NLRP14: variants seen among roughly 807,000 people sequenced by gnomAD.
NLRP14 encodes the protein NACHT, LRR and PYD domains-containing protein 14.
A neutral mutation model predicts 94.7 loss-of-function variants in NLRP14; 105 were observed. The ratio of observed to expected loss-of-function variants is 1.11; its 90% CI spans 0.95 to 1.30. The LOEUF is 1.30. NLRP14 is among the 50% of genes most tolerant of loss of function. NLRP14 has a pLI of 0.00. For synonymous variants in NLRP14, 508 were observed against 459.9 expected, an observed-to-expected ratio of 1.10 and a Z score of -1.34; for missense variants, 1,362 against 1,254.1, an observed-to-expected ratio of 1.09 and a Z score of -1.30.
chr11:7,089,011 A>T, the NLRP14 span: 2 of 1,303,748 alleles, frequency 1.5e-6, no homozygotes, highest in Admixed American at 2.0e-5. Flanking sequence ...CTCGGCGACT[A>T]GGCGCCGCCT....
chr11:7,073,814 C>T (rs1852836075), downstream of NLRP14, among the ~76,000 whole-genome samples: 1 of 152,190 alleles, frequency 6.6e-6, no homozygotes, highest in South Asian at 2.1e-4. Context: ...CTTGTGCTAC[C>T]TTCTAAGCAC....
chr11:7,038,171 A>T (rs1157132316), intron 1 of NLRP14, among the ~76,000 whole-genome samples: 6 of 152,178 alleles, frequency 3.9e-5, no homozygotes, highest in Admixed American at 3.9e-4. Context: ...AGCAATACTT[A>T]GGAGGAGCCA....
intron 6 of NLRP14, among the ~76,000 whole-genome samples, chr11:7,052,657 C>G (rs1265499195): frequency 6.6e-6 from 1 of 152,012 alleles, no homozygotes; most frequent in African/African-American, 2.4e-5. Context: ...ACAAAGCTGG[C>G]TAAGAGGAAC....
downstream of NLRP14, among the ~76,000 whole-genome samples, chr11:7,074,516 C>G (rs1181258176): frequency 6.6e-6 from 1 of 152,204 alleles, no homozygotes; most frequent in Non-Finnish European, 1.5e-5. Flanking sequence ...AGGAAAACTC[C>G]AACAAAGGTA....
chr11:7,060,078 T>C lies in NLRP14; in HGVS notation c.2804+14T>C, dbSNP rs757991230. The C allele has an allele frequency of 6.8e-6, 11 of 1,610,324 alleles. No individual in the cohort carries two copies. The highest frequency in any genetic ancestry group is 9.3e-6 in the Non-Finnish European group (11 of 1,176,856). On this transcript the variant is annotated intron_variant, in intron 9 of 11. Coordinates refer to ENST00000299481, the MANE Select transcript of NLRP14 (RefSeq NM_176822.4). ...TCAGGACTTGGAGTAGGTTTTCTGT[T>C]GCTTTACTTTTGTGTAGTTTCAACA...
chr11:7,042,071 C>CT (rs1852261376), intron 3 of NLRP14, among the ~76,000 whole-genome samples: 2 of 149,988 alleles, frequency 1.3e-5, no homozygotes, highest in Admixed American at 6.6e-5. Context: ...CATCTATTAT[C>CT]TTTTTTCTAT....
rs1191657327 is a variant in NLRP14, at chr11:7,038,720, C to T, written c.134C>T (p.Thr45Ile). Residue 45 changes from threonine (T) to isoleucine (I), a missense_variant, in exon 2 of 12, where the codon ACA becomes ATA. Thr to Ile is a moderately conservative substitution (Grantham distance 89). Transcript: ENST00000299481. ...ACCATGGAACCTGAGCATGGCCTGA[C>T]ACCCTGGAATGAAGTGAAGAAGGCC... The part of the protein sequence containing the change: ...KETMEPEHGL[T>I]PWNEVKKARR... The T allele has an allele frequency of 2.5e-6, 4 of 1,613,974 alleles. No individual in the cohort carries two copies. Among genetic ancestry groups the T allele is most frequent in the Non-Finnish European group, 3.4e-6 (4 of 1,179,972 alleles).
intron 1 of NLRP14, among the ~76,000 whole-genome samples, chr11:7,035,649 G>A (rs1241890406): frequency 6.6e-6 from 1 of 152,134 alleles, no homozygotes; most frequent in African/African-American, 2.4e-5. Flanking sequence ...TGAAAAGGGT[G>A]GAAACACCTG....
At chr11:7,089,167 A>G in the NLRP14 span, 2 of 1,614,006 alleles carry the variant, frequency 1.2e-6, no homozygotes, top group African/African-American at 1.3e-5. Context: ...GGGGGCCTCA[A>G]CCTCGAAACC....
chr11:7,045,120 T>C (rs1852329273), intron 4 of NLRP14, among the ~76,000 whole-genome samples: 6 of 152,206 alleles, frequency 3.9e-5, no homozygotes, highest in African/African-American at 1.4e-4. Flanking sequence ...GCAGAATCAC[T>C]CCTTTCTTAT....
intron 1 of NLRP14, among the ~76,000 whole-genome samples, chr11:7,031,640 A>C (rs1333182143): frequency 6.6e-6 from 1 of 152,164 alleles, no homozygotes; most frequent in Non-Finnish European, 1.5e-5. Context: ...AGCCTTGACG[A>C]ATGGAGGCAA....
At chr11:7,079,996 T>A in the NLRP14 span, among the ~76,000 whole-genome samples, 1 of 152,004 alleles carries the variant, frequency 6.6e-6, no homozygotes, top group African/African-American at 2.4e-5. Flanking sequence ...ATGTGGGCTG[T>A]ATAGATAAGG....
the NLRP14 span, among the ~76,000 whole-genome samples, chr11:7,084,219 G>A: frequency 6.6e-6 from 1 of 152,206 alleles, no homozygotes; most frequent in African/African-American, 2.4e-5. Flanking sequence ...ATATTCCAAA[G>A]TCAGTCCTGG....
rs184699458 is a variant in NLRP14 at position 7,057,490 on chromosome 11, C to T, written c.2292-187C>T. ...GGGAATGTGATAAACAATCTCCTTCCCTTCCCTCCTTAACTCTGTCAGAGC... is the reference window on the plus strand; with the variant it reads ...GGGAATGTGATAAACAATCTCCTTCTCTTCCCTCCTTAACTCTGTCAGAGC... On this transcript the variant is annotated intron_variant, in intron 6 of 11. Coordinates refer to ENST00000299481, the MANE Select transcript of NLRP14 (RefSeq NM_176822.4). Among the ~76,000 whole-genome samples the T allele has an allele frequency of 2.6e-5, 4 of 152,100 alleles. No individual in the cohort carries two copies. The East Asian group carries it at 7.7e-4, about 29-fold the overall frequency.
At chr11:7,090,147 G>C in the NLRP14 span, 2 of 1,613,678 alleles carry the variant, frequency 1.2e-6, no homozygotes, top group Non-Finnish European at 1.7e-6. Flanking sequence ...CCGACACCGG[G>C]TGGGCAGACC....
At chr11:7,072,579 G>T (rs947573792), downstream of NLRP14, among the ~76,000 whole-genome samples, 2 of 152,152 alleles carry the variant, frequency 1.3e-5, no homozygotes, top group Admixed American at 1.3e-4. Context: ...CCCTTGGGCG[G>T]GTTGTTGCTT....
chr11:7,062,628 A>G, intron 10 of NLRP14, 125 bp downstream of exon 10: 1 of 827,100 alleles, frequency 1.2e-6, no homozygotes, highest in Non-Finnish European at 2.1e-6. Flanking sequence ...ACTCTCAGAA[A>G]TAAGAATCTA....
In NLRP14 at chr11:7,042,926, G is replaced by A. The variant is rs762383654; in HGVS notation, c.900G>A (p.Glu300=). ...SSLLRKVMLP[E]ASLLVTTRLT... is the part of the protein sequence containing the mutation. The stretch of plus-strand genomic sequence containing the variant: ...TGCTGAGGAAAGTGATGCTCCCTGA[G>A]GCATCCTTATTGGTGACAACAAGAC... Residue 300 remains glutamate, a synonymous_variant, in exon 4 of 12, where the codon GAG becomes GAA. Coordinates refer to ENST00000299481, the MANE Select transcript of NLRP14 (RefSeq NM_176822.4). 5 of 1,613,924 alleles carry A rather than the reference G, an allele frequency of 3.1e-6. No homozygotes were observed. In the African/African-American group the frequency reaches 4.0e-5, roughly 13 times the overall value.
intron 10 of NLRP14, among the ~76,000 whole-genome samples, chr11:7,063,453 G>A (rs1222011291): frequency 1.3e-5 from 2 of 152,058 alleles, no homozygotes; most frequent in East Asian, 3.9e-4. Flanking sequence ...ACAGGAGGCA[G>A]TAATAAGCCT....
Sources: gnomAD v4.1 joint callset for allele counts (sites outside exome capture counted in the v4.1 genomes callset) on GRCh38, gnomAD v4.1.1 for gene constraint, MANE v1.5 for transcripts, NCBI Gene and HGNC (gene_info 2026-07-23, HGNC 2026-07-21) for gene names.